The following NRCAM variants were observed in gnomAD, a reference collection of about 807,000 sequenced individuals.
NRCAM encodes the protein NgCAM-related cell adhesion molecule.
A neutral mutation model predicts 156.5 loss-of-function variants in NRCAM; 83 were observed. That is an observed-to-expected ratio of 0.53 (90% CI 0.44 to 0.64). The LOEUF (loss-of-function observed/expected upper bound fraction) is 0.64, where lower values mean the gene tolerates loss of function less well. Among genes scored for constraint, NRCAM ranks in the 30% least tolerant of loss-of-function variants. The probability of loss-of-function intolerance (pLI) is 0.00; values close to 1 mark genes in which losing one functional copy is unlikely to be tolerated. For synonymous variants in NRCAM, 538 were observed against 563.9 expected, an observed-to-expected ratio of 0.95 and a Z score of 0.65; for missense variants, 1,417 against 1,597.3, an observed-to-expected ratio of 0.89 and a Z score of 1.92.
intron 3 of NRCAM, among the ~76,000 whole-genome samples, chr7:108,248,782 G>A: frequency 6.6e-6 from 1 of 152,162 alleles, no homozygotes; most frequent in Non-Finnish European, 1.5e-5. Flanking sequence ...CCAATCATCA[G>A]AGAGTCTGGG....
chr7:108,450,622 G>T (rs1358745103), intron 1 of NRCAM, among the ~76,000 whole-genome samples: 1 of 150,772 alleles, frequency 6.6e-6, no homozygotes, highest in Non-Finnish European at 1.5e-5. Flanking sequence ...AGTAAAAAAA[G>T]CATATTTATT....
intron 3 of NRCAM, among the ~76,000 whole-genome samples, chr7:108,272,332 TA>T (rs2154053806): frequency 6.6e-6 from 1 of 152,322 alleles, no homozygotes. Flanking sequence ...TTAATTTAAG[TA>T]AAAACACCAG....
At chr7:108,278,561 A>G (rs1451573939) in intron 3 of NRCAM, among the ~76,000 whole-genome samples, 1 of 152,050 alleles carries the variant, frequency 6.6e-6, no homozygotes, top group East Asian at 1.9e-4. Flanking sequence ...GGGACCTGCC[A>G]CACCAGGCAC....
At chr7:108,394,154 G>A (rs1450633760) in intron 2 of NRCAM, among the ~76,000 whole-genome samples, 1 of 152,174 alleles carries the variant, frequency 6.6e-6, no homozygotes, top group Non-Finnish European at 1.5e-5. Flanking sequence ...GTATAATCTT[G>A]GGTGAGGCAG....
chr7:108,368,699 T>C (rs1003855413), intron 2 of NRCAM, among the ~76,000 whole-genome samples: 2 of 152,086 alleles, frequency 1.3e-5, no homozygotes, highest in African/African-American at 4.8e-5. Flanking sequence ...CTAACAAACA[T>C]GCTGTAGAAC....
chr7:108,299,104 T>C (rs200460106), intron 3 of NRCAM, among the ~76,000 whole-genome samples: 2 of 4,840 alleles, frequency 4.1e-4, no homozygotes, highest in Non-Finnish European at 9.2e-4. Context: ...AGACTCCATC[T>C]CAAAAAAAAA....
chr7:108,444,572 T>C (rs934452155), intron 1 of NRCAM, among the ~76,000 whole-genome samples: 2 of 152,260 alleles, frequency 1.3e-5, no homozygotes, highest in East Asian at 1.9e-4. Flanking sequence ...TGAGAGAGAA[T>C]CTGTTCCATG....
intron 3 of NRCAM, among the ~76,000 whole-genome samples, chr7:108,256,763 C>G (rs2096683617): frequency 1.3e-5 from 2 of 152,040 alleles, no homozygotes; most frequent in South Asian, 4.1e-4. Context: ...TACCTGTAAT[C>G]CCAGCACCTT....
At chr7:108,244,777 A>G (rs150522911) in intron 3 of NRCAM, among the ~76,000 whole-genome samples, 1 of 152,364 alleles carries the variant, frequency 6.6e-6, no homozygotes, top group East Asian at 1.9e-4. Flanking sequence ...TGTAGTAACT[A>G]GAACCTGGAC....
At chr7:108,445,083 T>C (rs1265305175) in intron 1 of NRCAM, among the ~76,000 whole-genome samples, 1 of 152,246 alleles carries the variant, frequency 6.6e-6, no homozygotes, top group Non-Finnish European at 1.5e-5. Context: ...AATGGTTTCA[T>C]GCTTTATTGG....
intron 6 of NRCAM, among the ~76,000 whole-genome samples, chr7:108,233,949 C>G (rs993052613): frequency 1.3e-5 from 2 of 152,170 alleles, no homozygotes; most frequent in African/African-American, 2.4e-5. Flanking sequence ...ACTGGGTTAT[C>G]TCTAATATCT....
At chr7:108,151,742 C>A (rs952545134) in intron 32 of NRCAM, among the ~76,000 whole-genome samples, 1 of 152,152 alleles carries the variant, frequency 6.6e-6, no homozygotes, top group African/African-American at 2.4e-5. Flanking sequence ...ATGAAAATAG[C>A]CTACACAACA....
chr7:108,423,108 T>C (rs369044511), intron 1 of NRCAM, among the ~76,000 whole-genome samples: 2 of 152,090 alleles, frequency 1.3e-5, no homozygotes, highest in Non-Finnish European at 2.9e-5. Context: ...GAGCTATTGG[T>C]GACTTTCTGC....
chr7:108,406,188 A>G (rs1563663715), intron 1 of NRCAM, among the ~76,000 whole-genome samples: 1 of 152,168 alleles, frequency 6.6e-6, no homozygotes, highest in Non-Finnish European at 1.5e-5. Flanking sequence ...GGAATCAGGC[A>G]GTAAATAATG....
intron 2 of NRCAM, among the ~76,000 whole-genome samples, chr7:108,348,473 A>G (rs2099386165): frequency 6.6e-6 from 1 of 152,172 alleles, no homozygotes; most frequent in East Asian, 1.9e-4. Flanking sequence ...TCTTATTTAG[A>G]GGACTGACAG....
intron 2 of NRCAM, among the ~76,000 whole-genome samples, chr7:108,359,159 A>G (rs2284286): frequency 0.29 from 44,419 of 152,070 alleles, 6,870 homozygotes; most frequent in East Asian, 0.57. Flanking sequence ...CCATCAATCT[A>G]TTCATCCATT....
intron 3 of NRCAM, among the ~76,000 whole-genome samples, chr7:108,307,695 C>CATG (rs1563199244): frequency 3.3e-5 from 5 of 150,934 alleles, no homozygotes; most frequent in Admixed American, 1.3e-4. Flanking sequence ...AAAAAAAAAC[C>CATG]CAAGCATCTA....
intron 2 of NRCAM, among the ~76,000 whole-genome samples, chr7:108,321,789 T>C (rs1255159910): frequency 6.6e-6 from 1 of 152,246 alleles, no homozygotes; most frequent in African/African-American, 2.4e-5. Flanking sequence ...TTTAACATAA[T>C]TGCATACAAA....
intron 3 of NRCAM, among the ~76,000 whole-genome samples, chr7:108,263,954 A>G (rs2096982453): frequency 6.6e-6 from 1 of 152,168 alleles, no homozygotes. Context: ...GTTTAATACT[A>G]TGTATATGAA....
Sources: allele counts gnomAD v4.1 joint callset (sites outside exome capture counted in the v4.1 genomes callset), GRCh38; gene constraint gnomAD v4.1.1; transcripts MANE v1.5; gene names NCBI Gene and HGNC (gene_info 2026-07-23, HGNC 2026-07-21).